Variants in SP140 observed in about 807,000 individuals in gnomAD.
SP140 encodes the protein nuclear body protein SP140.
In SP140, 81 loss-of-function variants were observed where a neutral mutation model predicts 125.0. The observed-to-expected ratio is 0.65, with a 90% CI of 0.54 to 0.78. The LOEUF is 0.78. SP140 is among the 30% of genes least tolerant of loss of function. The pLI is 0.00. For missense variants in SP140, 858 were observed against 1,037.0 expected, an observed-to-expected ratio of 0.83 and a Z score of 2.37; for synonymous variants, 312 against 354.0, an observed-to-expected ratio of 0.88 and a Z score of 1.33.
At chr2:230,313,848 T>C (rs1331186724), downstream of SP140, among the ~76,000 whole-genome samples, 1 of 152,130 alleles carries the variant, frequency 6.6e-6, no homozygotes, top group African/African-American at 2.4e-5. Context: ...AGAGGTAAAA[T>C]AGCTGGTACA....
At chr2:230,203,812 CT>C (rs2043452496) in intron 1 of SP140, 1 of 152,044 alleles carries the variant, frequency 6.6e-6, no homozygotes, top group South Asian at 2.1e-4. Flanking sequence ...TAATATGACT[CT>C]TAAAAATATC....
At position 230,312,609 on chromosome 2, in the gene SP140, A is replaced by T. The variant is rs1272737499; in HGVS notation, c.2529A>T (p.Gly843=). The change falls in exon 27 of 27, where the codon GGA becomes GGT. Residue 843 remains glycine, a synonymous_variant. Coordinates refer to ENST00000392045, the MANE Select transcript of SP140 (RefSeq NM_007237.5). ...SYKYKDFGQM[G]FRLEAEFEKN... The stretch of plus-strand genomic sequence containing the variant: ...AGTACAAGGATTTTGGCCAAATGGG[A>T]TTTAGACTGGAGGCTGAGTTTGAGA... 1 of 1,612,182 alleles carries T rather than the reference A, an allele frequency of 6.2e-7. No individual in the cohort carries two copies. The highest frequency in any genetic ancestry group is 1.3e-5 in the African/African-American group (1 of 74,842).
chr2:230,211,336 G>T lies in SP140; in HGVS notation c.-322-2318G>T. 1.4e-6 allele frequency: 1 copy of T among 722,160 alleles called. No homozygotes were observed. The highest frequency in any genetic ancestry group is 2.0e-5 in the Admixed American group (1 of 51,030). 44.7% of individuals were successfully genotyped at this position (722,160 alleles called of 1,614,324 possible). A position where few individuals can be genotyped will look rare whatever the true frequency, so the allele number is the denominator to read the frequency against. On this transcript the variant is annotated intron_variant, in intron 1 of 4. Coordinates refer to the SP140 transcript ENST00000456542. The surrounding 1 kb of genome is among the most constrained non-coding windows in gnomAD (Gnocchi z 4.2). Reference sequence around the variant, plus strand: ...CTGCCTGTTCAAGCTCCCAAGTGCTGGGTGAACTGGAAGCTGGGCCAAGAT... The same window carrying T: ...CTGCCTGTTCAAGCTCCCAAGTGCTTGGTGAACTGGAAGCTGGGCCAAGAT...
chr2:230,274,629 T>G (rs922912921), intron 15 of SP140, among the ~76,000 whole-genome samples: 1 of 152,210 alleles, frequency 6.6e-6, no homozygotes, highest in South Asian at 2.1e-4. Context: ...GTGATTTTTT[T>G]GTCACTAAAT....
intron 1 of SP140, among the ~76,000 whole-genome samples, chr2:230,204,453 A>G (rs760992349): frequency 2.0e-5 from 3 of 152,152 alleles, no homozygotes; most frequent in Non-Finnish European, 4.4e-5. Context: ...ATTGTATTGG[A>G]AATTTCCCTC....
At chr2:230,227,643 T>C (rs776458078) in intron 1 of SP140, among the ~76,000 whole-genome samples, 6 of 152,234 alleles carry the variant, frequency 3.9e-5, no homozygotes, top group African/African-American at 9.7e-5. Flanking sequence ...CTATCTCTTG[T>C]GCAAGTTTTG....
rs76682433 is a variant in SP140 at position 230,242,143 on chromosome 2, G to T, written c.490+656G>T. On this transcript the variant is annotated intron_variant, in intron 4 of 26. Coordinates refer to ENST00000392045, the MANE Select transcript of SP140 (RefSeq NM_007237.5). ...CCGAAACATCTGCCAAGGATCAGAG[G>T]TAAAAATGGAGAGAGAAGTATATGG... Among the ~76,000 whole-genome samples, 897 of 152,162 alleles carry T rather than the reference G, an allele frequency of 5.9e-3. 4 individuals carry two copies. Among genetic ancestry groups the T allele is most frequent in the African/African-American group, 0.021 (853 of 41,516 alleles).
upstream of SP140, among the ~76,000 whole-genome samples, chr2:230,221,491 C>T (rs184800560): frequency 6.6e-6 from 1 of 152,076 alleles, no homozygotes. Flanking sequence ...ATATCCCACC[C>T]TAGTATGTAC....
rs2049027706 is a variant in SP140, at chr2:230,243,760, G to A, written c.520G>A (p.Asp174Asn). 7 of 1,613,074 alleles carry A rather than the reference G, an allele frequency of 4.3e-6. No homozygotes were observed. The highest frequency in any genetic ancestry group is 5.9e-6 in the Non-Finnish European group (7 of 1,179,374). The change falls in exon 5 of 27, where the codon GAT (aspartate) becomes AAT (asparagine). Residue 174 changes from aspartate (D) to asparagine (N), a missense_variant. Asp to Asn is a conservative substitution (Grantham distance 23, BLOSUM62 1). Coordinates refer to ENST00000392045, the MANE Select transcript of SP140 (RefSeq NM_007237.5). Reference protein sequence around the residue: ...ENSNACHEMDDIAVPQEALSS... With the variant: ...ENSNACHEMDNIAVPQEALSS... ...CAGCAATGCCTGTCATGAAATGGAT[G>A]ATATAGCAGTGCCTCAGGAAGCCTT...
Position 230,284,346 on chromosome 2 carries a change from G to GA in SP140, c.1505dup (p.Arg503GlufsTer20), listed in dbSNP as rs1484641452. 1 of 1,603,668 alleles carries GA rather than the reference G, an allele frequency of 6.2e-7. No individual in the cohort carries two copies. The highest frequency in any genetic ancestry group is 8.5e-7 in the Non-Finnish European group (1 of 1,175,468). The stretch of plus-strand genomic sequence containing the variant: ...TAACTTTATTCTCTTTGGTTTGAAG[G>GA]AAAAAAGAGGGGGCATGGCTGGAGC... On this transcript the variant is annotated frameshift_variant and splice_region_variant, in exon 16 of 27. Coordinates refer to ENST00000392045, the MANE Select transcript of SP140 (RefSeq NM_007237.5). LOFTEE classifies it high-confidence loss of function.
At chr2:230,233,586 A>C (rs2047562260) in intron 1 of SP140, among the ~76,000 whole-genome samples, 1 of 152,138 alleles carries the variant, frequency 6.6e-6, no homozygotes, top group Admixed American at 6.6e-5. Flanking sequence ...ATCTGTTGCT[A>C]TTTACGATAT....
chr2:230,208,020 CT>C, intron 1 of SP140: 4 of 1,567,402 alleles, frequency 2.6e-6, no homozygotes, highest in Non-Finnish European at 3.5e-6. Context: ...CTTATGTCTC[CT>C]TTTTGGAGTT....
intron 15 of SP140, among the ~76,000 whole-genome samples, chr2:230,275,520 ATGT>A (rs1575155885): frequency 6.6e-6 from 1 of 152,282 alleles, no homozygotes; most frequent in East Asian, 1.9e-4. Context: ...AACCTAATAA[ATGT>A]TGTGTGTGTT....
At chr2:230,293,273 T>C (rs1006370224) in intron 20 of SP140, among the ~76,000 whole-genome samples, 2 of 152,174 alleles carry the variant, frequency 1.3e-5, no homozygotes, top group African/African-American at 4.8e-5. Context: ...AAACCTGTAA[T>C]TGAGATAACA....
At chr2:230,195,910 A>C in the SP140 span, among the ~76,000 whole-genome samples, 1 of 152,206 alleles carries the variant, frequency 6.6e-6, no homozygotes, top group Non-Finnish European at 1.5e-5. Context: ...CAAAAGATGA[A>C]TGGTAATCTA....
chr2:230,218,142 A>G (rs1398522649), intron 3 of SP140, among the ~76,000 whole-genome samples: 3 of 152,268 alleles, frequency 2.0e-5, no homozygotes, highest in Non-Finnish European at 4.4e-5. Flanking sequence ...GAAAAGGAAA[A>G]GCACTAACAA....
chr2:230,297,505 C>T (rs1397646010), intron 22 of SP140, 43 bp downstream of exon 22: 9 of 1,602,140 alleles, frequency 5.6e-6, no homozygotes, highest in African/African-American at 1.3e-5. Context: ...ATATTCCACT[C>T]CTTTCTCCAG....
chr2:230,269,116 G>C (rs533707747), intron 12 of SP140, among the ~76,000 whole-genome samples: 3 of 152,264 alleles, frequency 2.0e-5, no homozygotes, highest in African/African-American at 7.2e-5. Flanking sequence ...CTTTGTGGAG[G>C]GGGTGTTGCT....
At chr2:230,250,645 G>A (rs540574530) in intron 9 of SP140, among the ~76,000 whole-genome samples, 1 of 152,304 alleles carries the variant, frequency 6.6e-6, no homozygotes, top group Admixed American at 6.5e-5. Flanking sequence ...AGAGAATGGA[G>A]CAGAAACACA....
Sources: gnomAD v4.1 joint callset for allele counts (sites outside exome capture counted in the v4.1 genomes callset) on GRCh38, gnomAD v4.1.1 for gene constraint, Gnocchi (gnomAD v3.1) non-coding constraint, MANE v1.5 for transcripts, NCBI Gene and HGNC (gene_info 2026-07-23, HGNC 2026-07-21) for gene names.